ANK3: variants seen among roughly 807,000 people sequenced by gnomAD.
ANK3 encodes ankyrin 3, also known as ankyrin-3.
Under a neutral mutation model 370.9 loss-of-function variants are expected in ANK3, and 57 were observed. That is an observed-to-expected ratio of 0.15 (90% CI 0.12 to 0.19). The LOEUF (loss-of-function observed/expected upper bound fraction) is 0.19, where lower values mean the gene tolerates loss of function less well. Ranked by LOEUF, ANK3 falls within the 10% of genes least tolerant of loss-of-function variation. The pLI is 1.00. For synonymous variants in ANK3, 1,929 were observed against 1,946.3 expected, an observed-to-expected ratio of 0.99 and a Z score of 0.23; for missense variants, 4,439 against 5,302.1, an observed-to-expected ratio of 0.84 and a Z score of 5.06.
In ANK3 at chr10:60,512,437, C is replaced by G. The variant is rs548419020; in HGVS notation, c.96+102749G>C. ...CTGATTTTAAGTGTTTAAGATACCA[C>G]CAATTGGGAAAGTATCATGATGTAC... On this transcript the variant is annotated intron_variant, in intron 2 of 43. Transcript: ENST00000373827. 1.3e-4 allele frequency among the ~76,000 whole-genome samples: 20 copies of G among 152,146 alleles called. No homozygotes were observed. The South Asian group carries it at 4.2e-3, about 32-fold the overall frequency.
At chr10:60,140,513 G>T in intron 23 of ANK3, 1 of 1,513,374 alleles carries the variant, frequency 6.6e-7, no homozygotes, top group African/African-American at 1.4e-5. Context: ...ATTCCTCTCA[G>T]CATCTTGATA....
intron 2 of ANK3, 35 bp from the exon 3 acceptor site, chr10:60,279,183 G>T: frequency 2.5e-6 from 4 of 1,589,828 alleles, no homozygotes; most frequent in Non-Finnish European, 3.5e-6. Context: ...CTACTCAGCA[G>T]GTTGAAAATA....
At chr10:60,329,986 T>C (rs1036529249) in intron 1 of ANK3, among the ~76,000 whole-genome samples, 2 of 152,036 alleles carry the variant, frequency 1.3e-5, no homozygotes, top group Non-Finnish European at 2.9e-5. Context: ...AAGCCACACA[T>C]ATACAACCAT....
At chr10:60,270,338 A>G (rs2097952516) in intron 4 of ANK3, 109 bp from the exon 5 acceptor site, 1 of 537,434 alleles carries the variant, frequency 1.9e-6, no homozygotes, top group South Asian at 4.8e-5. Flanking sequence ...AATAACTTTA[A>G]TAATACTTTC....
intron 2 of ANK3, among the ~76,000 whole-genome samples, chr10:60,428,396 G>A (rs544127052): frequency 2.0e-4 from 30 of 152,252 alleles, no homozygotes; most frequent in Admixed American, 1.8e-3. Flanking sequence ...TAGCTTTAGT[G>A]GCTTAGCCCA....
intron 2 of ANK3, among the ~76,000 whole-genome samples, chr10:60,478,299 C>T (rs559778714): frequency 1.3e-4 from 20 of 152,002 alleles, no homozygotes; most frequent in Non-Finnish European, 2.6e-4. Context: ...CTCATACTTC[C>T]TGATTTTGTT....
At chr10:60,449,501 CATTA>C (rs2064539964) in intron 2 of ANK3, among the ~76,000 whole-genome samples, 1 of 152,130 alleles carries the variant, frequency 6.6e-6, no homozygotes, top group African/African-American at 2.4e-5. Flanking sequence ...AATTTCGTCT[CATTA>C]AAAAGTATTC....
At chr10:60,043,355 G>C (rs938672011) in intron 42 of ANK3, 1 of 984,614 alleles carries the variant, frequency 1.0e-6, no homozygotes, top group African/African-American at 1.7e-5. Flanking sequence ...TTTCAATTTT[G>C]TGATTTGTAC....
intron 2 of ANK3, among the ~76,000 whole-genome samples, chr10:60,419,254 T>C (rs2063730767): frequency 6.6e-6 from 1 of 152,170 alleles, no homozygotes; most frequent in South Asian, 2.1e-4. Flanking sequence ...ATCTTAGTCA[T>C]TGGCTTGAAA....
intron 2 of ANK3, among the ~76,000 whole-genome samples, chr10:60,502,823 AAAG>A (rs2075837939): frequency 1.5e-5 from 1 of 66,058 alleles, no homozygotes; most frequent in Admixed American, 1.5e-4. Context: ...GAAGAAAAGA[AAAG>A]AAAGAAGGAG....
chr10:60,080,732 A>G, intron 35 of ANK3, 114 bp from the exon 36 acceptor site: 3 of 909,612 alleles, frequency 3.3e-6, no homozygotes, highest in Non-Finnish European at 4.9e-6. Flanking sequence ...CCTTCTTAGG[A>G]AATGTTAATT....
intron 2 of ANK3, among the ~76,000 whole-genome samples, chr10:60,486,218 A>T (rs1399816094): frequency 4.6e-5 from 7 of 152,158 alleles, no homozygotes; most frequent in Admixed American, 3.3e-4. Context: ...ATCCTCTAAT[A>T]AAAAGAATAG....
intron 2 of ANK3, among the ~76,000 whole-genome samples, chr10:60,610,816 A>G (rs2078190886): frequency 6.6e-6 from 1 of 152,208 alleles, no homozygotes; most frequent in Non-Finnish European, 1.5e-5. Context: ...TTAACAACTT[A>G]GAGTGGCTCT....
chr10:60,245,041 C>T (rs2097532255), intron 7 of ANK3, among the ~76,000 whole-genome samples: 1 of 152,120 alleles, frequency 6.6e-6, no homozygotes, highest in Admixed American at 6.5e-5. Context: ...TGGTAGCGGG[C>T]ACCTGTAGTC....
intron 1 of ANK3, among the ~76,000 whole-genome samples, chr10:60,616,770 A>G (rs2078273392): frequency 6.6e-6 from 1 of 152,174 alleles, no homozygotes; most frequent in Admixed American, 6.6e-5. Context: ...TGTGCCCACC[A>G]AAAGGTCAAA....
intron 23 of ANK3, chr10:60,144,142 C>A: frequency 2.5e-6 from 1 of 404,946 alleles, no homozygotes. Flanking sequence ...AGCTGAGCCC[C>A]GATTAACTCA....
intron 1 of ANK3, among the ~76,000 whole-genome samples, chr10:60,705,781 C>T (rs138519803): frequency 6.0e-4 from 90 of 149,518 alleles, no homozygotes; most frequent in African/African-American, 2.1e-3. Context: ...TATCATTATA[C>T]ATTCCCAGTT....
chr10:60,286,321 C>T (rs72822221), intron 1 of ANK3, among the ~76,000 whole-genome samples: 2,921 of 152,234 alleles, frequency 0.019, 35 homozygotes, highest in South Asian at 0.033. Flanking sequence ...AGAGTCTTAG[C>T]ACTCTATATA....
intron 2 of ANK3, among the ~76,000 whole-genome samples, chr10:60,433,629 A>G (rs1471638657): frequency 1.3e-5 from 2 of 152,154 alleles, no homozygotes; most frequent in African/African-American, 4.8e-5. Flanking sequence ...AAAAGAAAAA[A>G]CAAATGTTTA....
Sources: gnomAD v4.1 joint callset for allele counts (sites outside exome capture counted in the v4.1 genomes callset) on GRCh38, gnomAD v4.1.1 for gene constraint, MANE v1.5 for transcripts, NCBI Gene and HGNC (gene_info 2026-07-23, HGNC 2026-07-21) for gene names.